Variants in HSDL1 observed in about 807,000 individuals in gnomAD.
HSDL1 encodes the protein hydroxysteroid dehydrogenase like 1, also known as inactive hydroxysteroid dehydrogenase-like protein 1.
Under a neutral mutation model 31.5 loss-of-function variants are expected in HSDL1, and 29 were observed. That is an observed-to-expected ratio of 0.92 (90% confidence interval 0.69 to 1.26). HSDL1 has a LOEUF of 1.26. Ranked by LOEUF, HSDL1 falls within the 50% of genes most tolerant of loss-of-function variation. HSDL1 has a pLI of 0.00. For synonymous variants in HSDL1, 222 were observed against 155.2 expected (o/e 1.43, Z -3.20); for missense variants, 503 against 416.6 (o/e 1.21, Z -1.81).
At position 84,145,129 on chromosome 16, in the gene HSDL1, C is replaced by G. The variant is rs2086837970; in HGVS notation, c.-118G>C. ...ACCGGTCCCGCCAGACCCGCGCGGCCGCCGCCCCCGTCTCGGCCGCCGGAG... is the reference window on the plus strand; with the variant it reads ...ACCGGTCCCGCCAGACCCGCGCGGCGGCCGCCCCCGTCTCGGCCGCCGGAG... On this transcript the variant is annotated 5_prime_UTR_variant, in exon 1 of 6. Coordinates refer to ENST00000219439, the MANE Select transcript of HSDL1 (RefSeq NM_031463.5). The G allele has an allele frequency of 5.3e-6, 1 of 188,972 alleles. No individual in the cohort carries two copies. The highest frequency in any genetic ancestry group is 2.3e-5 in the African/African-American group (1 of 42,596). The allele number at this position is 188,972 out of a possible 1,614,324, so 11.7% of individuals were successfully genotyped here.
chr16:84,133,705 G>C (rs2086688337), intron 2 of HSDL1, among the ~76,000 whole-genome samples: 1 of 152,112 alleles, frequency 6.6e-6, no homozygotes, highest in Admixed American at 6.6e-5. Context: ...CTCCAGCCTG[G>C]GCGACAGAGT....
chr16:84,128,253 C>T (rs1484140337), intron 5 of HSDL1, among the ~76,000 whole-genome samples: 2 of 151,418 alleles, frequency 1.3e-5, no homozygotes, highest in Non-Finnish European at 2.9e-5. Context: ...CGCACCATTA[C>T]ACTCCAGCCT....
chr16:84,144,795 A>G (rs1597385183), intron 1 of HSDL1, among the ~76,000 whole-genome samples: 1 of 49,894 alleles, frequency 2.0e-5, no homozygotes, highest in African/African-American at 8.2e-5. Flanking sequence ...GGGGGGCGTG[A>G]GGATGGAGCC....
intron 1 of HSDL1, among the ~76,000 whole-genome samples, chr16:84,136,198 T>C (rs1848591594): frequency 6.6e-6 from 1 of 152,230 alleles, no homozygotes; most frequent in Admixed American, 6.5e-5. Flanking sequence ...TCTAATCTCC[T>C]GGCAGGGTGG....
In HSDL1 at chr16:84,129,563, C is replaced by G; in HGVS notation, c.879G>C (p.Trp293Cys). 6.2e-7 allele frequency: 1 copy of G among 1,613,604 alleles called. No individual in the cohort carries two copies. The highest frequency in any genetic ancestry group is 8.5e-7 in the Non-Finnish European group (1 of 1,179,544). ...LGISKRTTGY[W>C]SHSIQFLFAQ... ...ACACTCCTACCTGAATAGAATGGGA[C>G]CAATATCCTGTGGTCCTTTTGGAAA... The change falls in exon 5 of 6, where the codon TGG (tryptophan) becomes TGC (cysteine). Residue 293 changes from tryptophan (W) to cysteine (C), a missense_variant. Trp to Cys is a radical substitution (Grantham distance 215). Transcript: ENST00000219439.
At chr16:84,126,144 A>C (rs2086604666) in intron 5 of HSDL1, among the ~76,000 whole-genome samples, 1 of 152,082 alleles carries the variant, frequency 6.6e-6, no homozygotes. Flanking sequence ...TATAGGAATA[A>C]ATCAGTTGGA....
At position 84,141,141 on chromosome 16, in the gene HSDL1, C is replaced by G. The variant is rs115243601; in HGVS notation, c.-69+3939G>C. ...AAGTTTCGCCTGGTTTTGAACCTCA[C>G]ATAAAGGAACCACACCACATGGACC... On this transcript the variant is annotated intron_variant, in intron 1 of 5. Transcript: ENST00000219439. Among the ~76,000 whole-genome samples, 1,391 of 151,970 alleles carry G rather than the reference C, an allele frequency of 9.2e-3. 26 individuals carry two copies. The highest frequency in any genetic ancestry group is 0.032 in the African/African-American group (1,322 of 41,228).
intron 1 of HSDL1, chr16:84,139,075 G>A (rs1454613572): frequency 1.3e-5 from 2 of 152,280 alleles, no homozygotes; most frequent in African/African-American, 4.8e-5. Flanking sequence ...AAGAACACAA[G>A]GCAGACTGGC....
At chr16:84,143,895 C>T (rs570907345) in intron 1 of HSDL1, among the ~76,000 whole-genome samples, 1 of 151,646 alleles carries the variant, frequency 6.6e-6, no homozygotes. Flanking sequence ...CCCAGCTACT[C>T]GGAAGGCTGA....
chr16:84,125,860 T>C (rs937125737), intron 5 of HSDL1, among the ~76,000 whole-genome samples: 4 of 152,100 alleles, frequency 2.6e-5, no homozygotes, highest in Non-Finnish European at 5.9e-5. Flanking sequence ...TCCCAACACT[T>C]TGGGAGGCCG....
chr16:84,138,608 C>T (rs2086735383), intron 1 of HSDL1, among the ~76,000 whole-genome samples: 3 of 152,150 alleles, frequency 2.0e-5, no homozygotes. Flanking sequence ...GTCAATTATA[C>T]TTCGATGAAG....
intron 3 of HSDL1, chr16:84,130,893 C>A (rs185702109): frequency 7.2e-6 from 4 of 556,452 alleles, no homozygotes; most frequent in African/African-American, 1.9e-5. Flanking sequence ...CAGGAGAGAG[C>A]AGAATAGGAA....
rs144302140 is a variant in HSDL1, at chr16:84,131,236, C to G, written c.86G>C (p.Gly29Ala). 5.0e-6 allele frequency: 8 copies of G among 1,614,040 alleles called. No individual in the cohort carries two copies. The highest frequency in any genetic ancestry group is 6.8e-6 in the Non-Finnish European group (8 of 1,180,032). Residue 29 changes from glycine to alanine, a missense_variant, in exon 3 of 6, where the codon GGA becomes GCA. Gly to Ala is a moderately conservative substitution (Grantham distance 60, BLOSUM62 0). Transcript: ENST00000219439. ...GCTTTTTCTGGCCGTATACCAGGCT[C>G]CAACCAAAGCTAGAGCTTCCATATA... is the stretch of plus-strand genomic sequence containing the variant. ...NCYMEALALV[G>A]AWYTARKSIT...
In HSDL1 at chr16:84,131,158, C is replaced by T. The variant is rs757004174; in HGVS notation, c.164G>A (p.Arg55His). ...GATCAAGTCTGCTCTGCTCCCCAGG[C>T]GGGGGATAAAATGCAGCCTGATCAG... ...YSLIRLHFIPRLGSRADLIKQ... is the reference protein window; with the variant it reads ...YSLIRLHFIPHLGSRADLIKQ... Residue 55 changes from arginine to histidine, a missense_variant, in exon 3 of 6, where the codon CGC (arginine) becomes CAC (histidine). Physicochemically the swap from Arg to His is conservative, Grantham distance 29. Coordinates refer to ENST00000219439, the MANE Select transcript of HSDL1 (RefSeq NM_031463.5). The T allele has an allele frequency of 3.7e-6, 6 of 1,614,140 alleles. No individual in the cohort carries two copies. The highest frequency in any genetic ancestry group is 2.7e-5 in the African/African-American group (2 of 75,032).
intron 1 of HSDL1, among the ~76,000 whole-genome samples, chr16:84,136,085 T>C (rs1039276936): frequency 6.6e-6 from 1 of 152,214 alleles, no homozygotes; most frequent in Non-Finnish European, 1.5e-5. Context: ...ACCTGCAGCG[T>C]TCCCTGGAAC....
chr16:84,124,836 C>G (rs1349531993), intron 5 of HSDL1, 108 bp from the exon 6 acceptor site: 1 of 663,818 alleles, frequency 1.5e-6, no homozygotes, highest in Non-Finnish European at 2.7e-6. Flanking sequence ...CAAATACCCA[C>G]CAATCAATCA....
chr16:84,130,581 G>A (rs567429649), intron 3 of HSDL1, 150 bp from the exon 4 acceptor site: 1 of 645,448 alleles, frequency 1.5e-6, no homozygotes, highest in Non-Finnish European at 2.7e-6. Flanking sequence ...GGACACTGTT[G>A]CTGAATGAGG....
chr16:84,126,057 C>G (rs1460331826), intron 5 of HSDL1, among the ~76,000 whole-genome samples: 1 of 149,096 alleles, frequency 6.7e-6, no homozygotes, highest in Admixed American at 6.7e-5. Flanking sequence ...GAGCCGAGAT[C>G]GCGGCACTGC....
intron 2 of HSDL1, among the ~76,000 whole-genome samples, chr16:84,132,282 G>A (rs895851921): frequency 7.2e-5 from 11 of 152,140 alleles, no homozygotes; most frequent in African/African-American, 2.2e-4. Flanking sequence ...CAAAGGAGAT[G>A]AAACAGAGGT....
Sources: gnomAD v4.1 joint callset for allele counts (sites outside exome capture counted in the v4.1 genomes callset) on GRCh38, gnomAD v4.1.1 for gene constraint, MANE v1.5 for transcripts, NCBI Gene and HGNC (gene_info 2026-07-23, HGNC 2026-07-21) for gene names.